ITGA8: variants seen among roughly 807,000 people sequenced by gnomAD.
ITGA8 encodes the protein integrin alpha-8.
A neutral mutation model predicts 142.3 loss-of-function variants in ITGA8; 91 were observed. The observed-to-expected ratio is 0.64, with a 90% CI of 0.54 to 0.76. ITGA8 has a LOEUF of 0.76. Among genes scored for constraint, ITGA8 ranks in the 30% least tolerant of loss-of-function variants. The pLI is 0.00. For missense variants in ITGA8, 1,406 were observed against 1,327.7 expected (o/e 1.06, Z -0.92); for synonymous variants, 505 against 485.2 (o/e 1.04, Z -0.54).
intron 2 of ITGA8, among the ~76,000 whole-genome samples, chr10:15,713,333 T>C (rs1242110090): frequency 1.3e-5 from 2 of 152,218 alleles, no homozygotes; most frequent in Non-Finnish European, 1.5e-5. Flanking sequence ...TGTGCTTGTG[T>C]GCACACACTG....
intron 15 of ITGA8, among the ~76,000 whole-genome samples, chr10:15,608,944 A>C (rs965672711): frequency 6.6e-6 from 1 of 151,986 alleles, no homozygotes; most frequent in Non-Finnish European, 1.5e-5. Context: ...GAGAAGAGGG[A>C]GGGGAGAAAG....
chr10:15,611,826 C>G (rs1219101747), intron 15 of ITGA8, among the ~76,000 whole-genome samples: 2 of 151,246 alleles, frequency 1.3e-5, no homozygotes, highest in Non-Finnish European at 2.9e-5. Context: ...AAAAACCACA[C>G]ACTTCAGTCT....
intron 23 of ITGA8, among the ~76,000 whole-genome samples, chr10:15,582,432 TC>T (rs2131588855): frequency 6.6e-6 from 1 of 152,258 alleles, no homozygotes; most frequent in South Asian, 2.1e-4. Flanking sequence ...CATTAAAAAA[TC>T]AACTGGATTT....
At chr10:15,643,686 C>T (rs942398972) in intron 13 of ITGA8, among the ~76,000 whole-genome samples, 6 of 152,160 alleles carry the variant, frequency 3.9e-5, no homozygotes, top group Admixed American at 2.6e-4. Flanking sequence ...AAATAATTTG[C>T]GCCAGAAAGG....
chr10:15,676,498 G>A (rs187749670), intron 6 of ITGA8, among the ~76,000 whole-genome samples: 90 of 152,170 alleles, frequency 5.9e-4, no homozygotes, highest in Non-Finnish European at 8.5e-4. Flanking sequence ...GCTTCGGATT[G>A]TGTATCACAG....
chr10:15,679,938 G>A (rs1256109813), intron 4 of ITGA8, among the ~76,000 whole-genome samples: 1 of 152,222 alleles, frequency 6.6e-6, no homozygotes, highest in Non-Finnish European at 1.5e-5. Flanking sequence ...GAATTAAGTA[G>A]AGGGAATCTC....
chr10:15,635,147 C>T (rs759596383), intron 13 of ITGA8, among the ~76,000 whole-genome samples: 15 of 151,700 alleles, frequency 9.9e-5, no homozygotes, highest in South Asian at 2.1e-4. Flanking sequence ...GCTGGGACTA[C>T]AGGCACGTGC....
chr10:15,671,695 C>G lies in ITGA8; in HGVS notation c.803-48G>C, dbSNP rs781736039. On this transcript the variant is annotated intron_variant, in intron 7 of 29. Coordinates refer to ENST00000378076, the MANE Select transcript of ITGA8 (RefSeq NM_003638.3). ...AACTAATCACACTTAATGACTTAAC[C>G]TAATGAGTTATATCTAGAAAAAGGT... 3.4e-6 allele frequency: 5 copies of G among 1,451,854 alleles called. No individual in the cohort carries two copies. The Admixed American group carries it at 5.0e-5, about 15-fold the overall frequency. The allele number at this position is 1,451,854 out of a possible 1,614,324, so 89.9% of individuals were successfully genotyped here.
At chr10:15,702,873 A>G (rs1034506707) in intron 2 of ITGA8, among the ~76,000 whole-genome samples, 31 of 152,230 alleles carry the variant, frequency 2.0e-4, no homozygotes, top group African/African-American at 7.5e-4. Context: ...AAACTTGTAT[A>G]GAGAACTGTA....
At chr10:15,589,996 C>T (rs1490968618) in intron 22 of ITGA8, among the ~76,000 whole-genome samples, 1 of 152,140 alleles carries the variant, frequency 6.6e-6, no homozygotes, top group Non-Finnish European at 1.5e-5. Context: ...CTCCTGACCT[C>T]AAGTGATCCA....
chr10:15,609,922 A>G, intron 15 of ITGA8, among the ~76,000 whole-genome samples: 1 of 152,236 alleles, frequency 6.6e-6, no homozygotes, highest in East Asian at 1.9e-4. Flanking sequence ...ATAAAGTTAT[A>G]CAAATGAACA....
Position 15,719,671 on chromosome 10 carries a change from G to A in ITGA8, c.101C>T (p.Pro34Leu), listed in dbSNP as rs766335246. 2 of 1,505,480 alleles carry A rather than the reference G, an allele frequency of 1.3e-6. No individual in the cohort carries two copies. Among genetic ancestry groups the A allele is most frequent in the South Asian group, 2.6e-5 (2 of 76,932 alleles). The allele number at this position is 1,505,480 out of a possible 1,614,324, so 93.3% of individuals were successfully genotyped here. ...AAALGMLLWS[P>L]ACQAFNLDVE... The stretch of plus-strand genomic sequence containing the variant: ...GTCCAGGTTGAACGCCTGACAGGCG[G>A]GGGACCACAGCAACATCCCCAGCGC... Residue 34 changes from proline (P) to leucine (L), a missense_variant, in exon 1 of 30, where the codon CCC becomes CTC. Coordinates refer to ENST00000378076, the MANE Select transcript of ITGA8 (RefSeq NM_003638.3).
intron 8 of ITGA8, among the ~76,000 whole-genome samples, chr10:15,668,474 A>G (rs1588710751): frequency 6.7e-6 from 1 of 149,418 alleles, no homozygotes; most frequent in Non-Finnish European, 1.5e-5. Context: ...TCTTTATGCG[A>G]TTTGCCAGTC....
At chr10:15,579,970 A>G (rs1342122800) in intron 23 of ITGA8, among the ~76,000 whole-genome samples, 2 of 151,840 alleles carry the variant, frequency 1.3e-5, no homozygotes, top group African/African-American at 4.8e-5. Context: ...AGAGAAAGTC[A>G]AATCCAAAGA....
chr10:15,580,289 A>G (rs1834384792), intron 23 of ITGA8, among the ~76,000 whole-genome samples: 1 of 152,102 alleles, frequency 6.6e-6, no homozygotes, highest in Non-Finnish European at 1.5e-5. Flanking sequence ...GATGAAATAG[A>G]CAAATTCCTT....
chr10:15,674,404 C>T (rs1326846800), intron 6 of ITGA8, among the ~76,000 whole-genome samples: 1 of 152,146 alleles, frequency 6.6e-6, no homozygotes, highest in Non-Finnish European at 1.5e-5. Flanking sequence ...TTTAGCAAAT[C>T]ATTTGTCTCA....
At chr10:15,567,140 G>C (rs1393962414) in intron 25 of ITGA8, among the ~76,000 whole-genome samples, 1 of 147,972 alleles carries the variant, frequency 6.8e-6, no homozygotes, top group African/African-American at 2.5e-5. Context: ...GACTGACAGA[G>C]TAAGACCCCA....
rs1832927513 is a variant in ITGA8 at position 15,514,446 on chromosome 10, C to T, written c.*2712G>A. The stretch of plus-strand genomic sequence containing the variant: ...ACAGAGTTTCCCTCTGTCGCCCAGG[C>T]TGGAGTGCAGTCGCGCGATCTCAGC... On this transcript the variant is annotated 3_prime_UTR_variant, in exon 30 of 30. Coordinates refer to ENST00000378076, the MANE Select transcript of ITGA8 (RefSeq NM_003638.3). The T allele has an allele frequency of 6.6e-6, 1 of 152,050 alleles. No individual in the cohort carries two copies. Among genetic ancestry groups the T allele is most frequent in the Non-Finnish European group, 1.5e-5 (1 of 68,034 alleles). The allele number at this position is 152,050 out of a possible 1,614,324, so 9.4% of individuals were successfully genotyped here. A position where few individuals can be genotyped will look rare whatever the true frequency, so the allele number is the denominator to read the frequency against.
At chr10:15,641,786 G>C (rs1833876129) in intron 13 of ITGA8, among the ~76,000 whole-genome samples, 1 of 152,148 alleles carries the variant, frequency 6.6e-6, no homozygotes, top group African/African-American at 2.4e-5. Flanking sequence ...TTGTTGACTA[G>C]CACATGGCCT....
Sources: allele counts gnomAD v4.1 joint callset (sites outside exome capture counted in the v4.1 genomes callset), GRCh38; gene constraint gnomAD v4.1.1; transcripts MANE v1.5; gene names NCBI Gene and HGNC (gene_info 2026-07-23, HGNC 2026-07-21).